EGFL7: variants seen among roughly 807,000 people sequenced by gnomAD.
EGFL7 encodes the protein epidermal growth factor-like protein 7.
In EGFL7, 48 loss-of-function variants were observed where a neutral mutation model predicts 37.1. That is an observed-to-expected ratio of 1.29 (90% confidence interval 1.03 to 1.65). The LOEUF (loss-of-function observed/expected upper bound fraction) is 1.65. Ranked by LOEUF, EGFL7 falls within the 40% of genes most tolerant of loss-of-function variation. The probability of loss-of-function intolerance (pLI) is 0.00; values close to 1 mark genes in which losing one functional copy is unlikely to be tolerated. For missense variants in EGFL7, 384 were observed against 378.9 expected (o/e 1.01, Z -0.11); for synonymous variants, 180 against 156.8 (o/e 1.15, Z -1.10).
In EGFL7 at chr9:136,669,952, G is replaced by T. The variant is rs774815574; in HGVS notation, c.352G>T (p.Val118Phe). The T allele has an allele frequency of 6.8e-6, 11 of 1,605,880 alleles. No homozygotes were observed. In the East Asian group the frequency reaches 2.2e-4, roughly 33 times the overall value. The change falls in exon 7 of 11, where the codon GTC (valine) becomes TTC (phenylalanine). Residue 118 changes from valine to phenylalanine, a missense_variant. Physicochemically the swap from Val to Phe is conservative, Grantham distance 50. Coordinates refer to ENST00000308874, the MANE Select transcript of EGFL7 (RefSeq NM_016215.5). Reference protein sequence around the residue: ...QPPCRNGGSCVQPGRCRCPAG... With the variant: ...QPPCRNGGSCFQPGRCRCPAG... ...GCCATGCCGGAACGGAGGGAGCTGT[G>T]TCCAGCCTGGCCGCTGCCGCTGCCC...
In EGFL7 at chr9:136,668,610, T is replaced by C; in HGVS notation, c.134T>C (p.Val45Ala). Reference sequence around the variant, plus strand: ...GGGGACCCTGTCTCCGAGTCGTTCGTGCAGCGTGTGTACCAGCCCTTCCTC... The same window carrying C: ...GGGGACCCTGTCTCCGAGTCGTTCGCGCAGCGTGTGTACCAGCCCTTCCTC... ...AHGDPVSESF[V>A]QRVYQPFLTT... is the part of the protein sequence containing the mutation. Residue 45 changes from valine to alanine, a missense_variant, in exon 5 of 11, where the codon GTG becomes GCG. Physicochemically the swap from Val to Ala is moderately conservative, Grantham distance 64 (BLOSUM62 0). Coordinates refer to ENST00000308874, the MANE Select transcript of EGFL7 (RefSeq NM_016215.5). The C allele has an allele frequency of 6.2e-7, 1 of 1,608,166 alleles. No homozygotes were observed.
chr9:136,668,104 G>C (rs1845590800), intron 3 of EGFL7, 137 bp from the exon 4 acceptor site: 1 of 579,424 alleles, frequency 1.7e-6, no homozygotes, highest in East Asian at 3.0e-5. Flanking sequence ...GAGAGAGTGG[G>C]CGCCACCGTG....
chr9:136,669,846 C>T, intron 6 of EGFL7, 68 bp from the exon 7 acceptor site: 5 of 1,474,112 alleles, frequency 3.4e-6, no homozygotes, highest in South Asian at 2.5e-5. Flanking sequence ...GCACCCACTC[C>T]CTAGCAGCTG....
chr9:136,664,222 G>C (rs1845321845), intron 2 of EGFL7, among the ~76,000 whole-genome samples: 1 of 152,188 alleles, frequency 6.6e-6, no homozygotes, highest in Admixed American at 6.5e-5. Context: ...GGGGCTTCCA[G>C]GGCCCCTGGT....
chr9:136,668,807 TGCCTGAGATGGGCGACCCAGGGCG>T, intron 5 of EGFL7, 134 bp downstream of exon 5: 1 of 849,918 alleles, frequency 1.2e-6, no homozygotes, highest in Non-Finnish European at 1.9e-6. Context: ...ATGAGAGGGC[TGCCTGAGATGGGCGACCCAGGGCG>T]GCCGGAGCCA....
At chr9:136,670,391 G>T in intron 8 of EGFL7, 61 bp downstream of exon 8, 1 of 1,486,184 alleles carries the variant, frequency 6.7e-7, no homozygotes, top group South Asian at 1.3e-5. Flanking sequence ...ATTGCCGTGT[G>T]GCTGTTAGGC....
chr9:136,665,948 G>A (rs1845441812), intron 3 of EGFL7: 1 of 146,190 alleles, frequency 6.8e-6, no homozygotes, highest in Admixed American at 6.8e-5. Context: ...GCGGCTCCGG[G>A]ACGAGGCAGC....
chr9:136,668,707 C>T (rs1217653280), intron 5 of EGFL7, 34 bp downstream of exon 5: 2 of 1,556,646 alleles, frequency 1.3e-6, no homozygotes, highest in African/African-American at 2.7e-5. Flanking sequence ...TCACCCAGCC[C>T]CAGCCTCCCA....
intron 3 of EGFL7, among the ~76,000 whole-genome samples, chr9:136,667,267 C>T (rs966175101): frequency 3.9e-4 from 60 of 152,332 alleles, no homozygotes; most frequent in African/African-American, 1.3e-3. Flanking sequence ...TGCCCCGACC[C>T]GAAGCCTGGC....
At chr9:136,670,844 T>C in intron 8 of EGFL7, 106 bp from the exon 9 acceptor site, 1 of 1,096,106 alleles carries the variant, frequency 9.1e-7, no homozygotes, top group Non-Finnish European at 1.3e-6. Flanking sequence ...GGCAGAGGCC[T>C]GGGCCTGAGT....
Position 136,671,026 on chromosome 9 carries a change from G to A in EGFL7, c.636+12G>A, listed in dbSNP as rs1300644362. The stretch of plus-strand genomic sequence containing the variant: ...ACCTGCTGGAGGAGGTGAGGCATTG[G>A]TGGGGGGGGGGGGGGGCAGGCAGTC... On this transcript the variant is annotated intron_variant, in intron 9 of 10. Transcript: ENST00000308874. 2.6e-6 allele frequency: 2 copies of A among 759,082 alleles called. No individual in the cohort carries two copies. Among genetic ancestry groups the A allele is most frequent in the Admixed American group, 8.5e-5 (2 of 23,438 alleles). The allele number at this position is 759,082 out of a possible 1,614,324, so 47.0% of individuals were successfully genotyped here. A position where few individuals can be genotyped will look rare whatever the true frequency, so the allele number is the denominator to read the frequency against.
At chr9:136,668,706 C>T in intron 5 of EGFL7, 33 bp downstream of exon 5, 1 of 1,555,788 alleles carries the variant, frequency 6.4e-7, no homozygotes, top group South Asian at 1.1e-5. Flanking sequence ...CTCACCCAGC[C>T]CCAGCCTCCC....
chr9:136,668,499 C>G, intron 4 of EGFL7, 58 bp from the exon 5 acceptor site: 1 of 1,571,116 alleles, frequency 6.4e-7, no homozygotes, highest in Non-Finnish European at 8.7e-7. Flanking sequence ...CACATGTTCC[C>G]ATCATTCTTG....
intron 2 of EGFL7, among the ~76,000 whole-genome samples, chr9:136,664,445 G>C (rs375109937): frequency 3.8e-4 from 58 of 152,322 alleles, no homozygotes; most frequent in African/African-American, 1.0e-3. Flanking sequence ...CCATCCCCAT[G>C]CCAGGGAGTC....
chr9:136,665,544 C>T (rs962584655), intron 3 of EGFL7, among the ~76,000 whole-genome samples: 13 of 152,194 alleles, frequency 8.5e-5, no homozygotes, highest in African/African-American at 2.7e-4. Flanking sequence ...AGCGCCCTGC[C>T]GCGGGGACTC....
intron 3 of EGFL7, 124 bp from the exon 4 acceptor site, chr9:136,668,117 G>A (rs1213607140): frequency 4.5e-5 from 27 of 600,844 alleles, no homozygotes; most frequent in Non-Finnish European, 7.5e-5. Context: ...CCACCGTGGG[G>A]CTGTCCCACC....
At chr9:136,670,914 G>A (rs751134885) in intron 8 of EGFL7, 36 bp from the exon 9 acceptor site, 33 of 1,543,704 alleles carry the variant, frequency 2.1e-5, no homozygotes, top group South Asian at 1.3e-4. Context: ...GTGGGGAGCC[G>A]GCCGGCCGTG....
chr9:136,670,010 G>A lies in EGFL7; in HGVS notation c.409+1G>A. Reference sequence around the variant, plus strand: ...TGGCGGGGTGACACTTGCCAGTCAGGTGAGGCTGGCTCTACCCTGGGGGGC... The same window carrying A: ...TGGCGGGGTGACACTTGCCAGTCAGATGAGGCTGGCTCTACCCTGGGGGGC... On this transcript the variant is annotated splice_donor_variant, in intron 7 of 10. Coordinates refer to ENST00000308874, the MANE Select transcript of EGFL7 (RefSeq NM_016215.5). LOFTEE classifies it high-confidence loss of function. 2 of 1,594,106 alleles carry A rather than the reference G, an allele frequency of 1.3e-6. No homozygotes were observed. Among genetic ancestry groups the A allele is most frequent in the Middle Eastern group, 1.7e-4 (1 of 5,974 alleles).
chr9:136,666,113 C>T lies in EGFL7; in HGVS notation c.-43+1328C>T, dbSNP rs921535675. ...CGGGGAGGGCCGGGGTCGCCGCGGC[C>T]CCTCGTCCGACCCGGCGCGACTCAG... On this transcript the variant is annotated intron_variant, in intron 3 of 10. Transcript: ENST00000308874. The surrounding 1 kb of genome is among the most constrained non-coding windows in gnomAD (Gnocchi z 6.8). 2.0e-5 allele frequency among the ~76,000 whole-genome samples: 3 copies of T among 147,732 alleles called. No individual in the cohort carries two copies. Among genetic ancestry groups the T allele is most frequent in the African/African-American group, 7.3e-5 (3 of 40,972 alleles).
Sources: gnomAD v4.1 joint callset for allele counts (sites outside exome capture counted in the v4.1 genomes callset) on GRCh38, gnomAD v4.1.1 for gene constraint, Gnocchi (gnomAD v3.1) non-coding constraint, MANE v1.5 for transcripts, NCBI Gene and HGNC (gene_info 2026-07-23, HGNC 2026-07-21) for gene names.